The following ENTREP1 variants were observed in gnomAD, a reference collection of about 807,000 sequenced individuals.
The protein encoded by ENTREP1 is endosomal transmembrane epsin interactor 1, also known as Friedreich ataxia region gene X123.
the ENTREP1 span, among the ~76,000 whole-genome samples, chr9:69,368,578 T>C: frequency 6.6e-6 from 1 of 152,184 alleles, no homozygotes; most frequent in Non-Finnish European, 1.5e-5. Context: ...GATTTTTGTG[T>C]CTATGTTCAT....
the ENTREP1 span, among the ~76,000 whole-genome samples, chr9:69,337,398 A>G: frequency 0.014 from 2,088 of 152,242 alleles, 30 homozygotes; most frequent in Non-Finnish European, 0.023. Flanking sequence ...CAACCTTAGA[A>G]TTTTGTTGCA....
At chr9:69,371,733 G>C in the ENTREP1 span, 2 of 684,208 alleles carry the variant, frequency 2.9e-6, no homozygotes, top group Non-Finnish European at 5.2e-6. Flanking sequence ...ATGGGTAAAG[G>C]GAAGTGGGAA....
At chr9:69,380,101 T>C in the ENTREP1 span, 1 of 152,258 alleles carries the variant, frequency 6.6e-6, no homozygotes, top group Non-Finnish European at 1.5e-5. Context: ...CAAAACAGTC[T>C]TGTGAGAAAG....
the ENTREP1 span, among the ~76,000 whole-genome samples, chr9:69,350,144 T>G: frequency 6.6e-6 from 1 of 152,218 alleles, no homozygotes; most frequent in African/African-American, 2.4e-5. Context: ...TAAGAAGGGC[T>G]TTGTCTAACC....
the ENTREP1 span, among the ~76,000 whole-genome samples, chr9:69,352,082 T>C: frequency 0.88 from 133,246 of 152,110 alleles, 58,653 homozygotes; most frequent in African/African-American, 0.95. Flanking sequence ...TCAGTGATTC[T>C]GATTGACATC....
chr9:69,333,675 C>G, the ENTREP1 span, among the ~76,000 whole-genome samples: 1 of 152,086 alleles, frequency 6.6e-6, no homozygotes, highest in South Asian at 2.1e-4. Flanking sequence ...TAATGGAGAC[C>G]AGTAGCATTA....
At chr9:69,383,491 C>G in the ENTREP1 span, 1 of 1,512,718 alleles carries the variant, frequency 6.6e-7, no homozygotes. Flanking sequence ...TATTCTCCCT[C>G]TCCTGGCCAA....
the ENTREP1 span, among the ~76,000 whole-genome samples, chr9:69,366,519 C>T: frequency 6.6e-6 from 1 of 151,562 alleles, no homozygotes; most frequent in Admixed American, 6.6e-5. Flanking sequence ...GTTTCCTTGG[C>T]TTCACAGGAG....
the ENTREP1 span, among the ~76,000 whole-genome samples, chr9:69,355,878 G>C: frequency 6.6e-6 from 1 of 152,192 alleles, no homozygotes; most frequent in Non-Finnish European, 1.5e-5. Context: ...TTCTGAGATG[G>C]AGTGTTTCAA....
chr9:69,384,140 A>C, the ENTREP1 span: 2 of 704,054 alleles, frequency 2.8e-6, no homozygotes, highest in Non-Finnish European at 4.9e-6. Flanking sequence ...GGAGGATCAC[A>C]TGAGGCCAGG....
At chr9:69,389,525 T>C in the ENTREP1 span, among the ~76,000 whole-genome samples, 1 of 152,152 alleles carries the variant, frequency 6.6e-6, no homozygotes, top group Non-Finnish European at 1.5e-5. Context: ...GTTTGCACTC[T>C]GAAAGAGTGA....
chr9:69,361,910 T>G, the ENTREP1 span, among the ~76,000 whole-genome samples: 1 of 152,112 alleles, frequency 6.6e-6, no homozygotes, highest in Non-Finnish European at 1.5e-5. Flanking sequence ...CTTCTAAAAT[T>G]TTGTTGCTGT....
chr9:69,363,413 A>G, the ENTREP1 span, among the ~76,000 whole-genome samples: 4 of 152,200 alleles, frequency 2.6e-5, no homozygotes, highest in African/African-American at 9.6e-5. Context: ...GTAAGGAAAA[A>G]TTTTATAGAG....
the ENTREP1 span, among the ~76,000 whole-genome samples, chr9:69,376,064 C>A: frequency 6.6e-6 from 1 of 152,116 alleles, no homozygotes; most frequent in Non-Finnish European, 1.5e-5. Flanking sequence ...GTATGGACAG[C>A]TTTCTTTGTG....
the ENTREP1 span, chr9:69,383,776 A>ATC: frequency 6.2e-7 from 1 of 1,614,042 alleles, no homozygotes; most frequent in East Asian, 2.2e-5. Context: ...TCTGTCCTGA[A>ATC]TCTCTCTAAG....
At chr9:69,373,855 G>T in the ENTREP1 span, among the ~76,000 whole-genome samples, 2 of 152,114 alleles carry the variant, frequency 1.3e-5, no homozygotes, top group African/African-American at 4.8e-5. Context: ...TAAGTGTGCA[G>T]TTCATTATAA....
chr9:69,390,047 C>T, the ENTREP1 span, among the ~76,000 whole-genome samples: 6 of 152,194 alleles, frequency 3.9e-5, no homozygotes, highest in Admixed American at 6.5e-5. Context: ...TAGCTGGCTT[C>T]GCATCTTGGA....
chr9:69,343,462 A>G, the ENTREP1 span, among the ~76,000 whole-genome samples: 10 of 152,132 alleles, frequency 6.6e-5, no homozygotes, highest in South Asian at 2.1e-4. Flanking sequence ...TTTTTGAGAC[A>G]GGGTCTCACT....
chr9:69,339,114 G>T, the ENTREP1 span, among the ~76,000 whole-genome samples: 2 of 152,046 alleles, frequency 1.3e-5, no homozygotes, highest in East Asian at 3.9e-4. Context: ...CAAACTCCTG[G>T]GCTCAAGGGA....
Sources: gnomAD v4.1 joint callset for allele counts (sites outside exome capture counted in the v4.1 genomes callset) on GRCh38, gnomAD v4.1.1 for gene constraint, MANE v1.5 for transcripts, NCBI Gene and HGNC (gene_info 2026-07-23, HGNC 2026-07-21) for gene names.